Variants in C19orf18 observed in about 807,000 individuals in gnomAD.
C19orf18 encodes chromosome 19 open reading frame 18, also known as uncharacterized protein C19orf18.
In C19orf18, 21 loss-of-function variants were observed where a neutral mutation model predicts 23.3. The ratio of observed to expected loss-of-function variants is 0.90; its 90% confidence interval spans 0.64 to 1.30. The LOEUF is 1.30. C19orf18 is among the 50% of genes most tolerant of loss of function. The probability of loss-of-function intolerance (pLI) is 0.00; values close to 1 mark genes in which losing one functional copy is unlikely to be tolerated. For synonymous variants in C19orf18, 96 were observed against 95.2 expected (o/e 1.01, Z -0.05); for missense variants, 249 against 259.6 (o/e 0.96, Z 0.28).
intron 5 of C19orf18, among the ~76,000 whole-genome samples, chr19:57,961,020 T>C (rs913952348): frequency 6.6e-6 from 1 of 151,796 alleles, no homozygotes; most frequent in Non-Finnish European, 1.5e-5. Context: ...GTGGTGAGCA[T>C]AGCTGCCTTC....
In C19orf18 at chr19:57,960,425, C is replaced by CAA. The variant is rs34335308; in HGVS notation, c.532+964_532+965dup. ...TGGGCAACAGAGCAAGACTCCGCCT[C>CAA]AAAAAAAAAAAAAAAAAAAAGAACT... On this transcript the variant is annotated intron_variant, in intron 5 of 5. Transcript: ENST00000314391. Among the ~76,000 whole-genome samples the CAA allele has an allele frequency of 3.3e-3, 314 of 94,142 alleles. 1 individual carries two copies. Among genetic ancestry groups the CAA allele is most frequent in the African/African-American group, 7.6e-3 (217 of 28,688 alleles). The allele number at this position is 94,142 out of a possible 152,430, so 61.8% of individuals were successfully genotyped here. A position where few individuals can be genotyped will look rare whatever the true frequency, so the allele number is the denominator to read the frequency against.
chr19:57,972,604 C>A, intron 2 of C19orf18, 100 bp from the exon 3 acceptor site: 1 of 1,283,098 alleles, frequency 7.8e-7, no homozygotes, highest in Non-Finnish European at 1.1e-6. Context: ...AGAAGGACGC[C>A]GAACACACAG....
chr19:57,965,958 TTAAG>T (rs1206520260), intron 4 of C19orf18, among the ~76,000 whole-genome samples: 2 of 152,032 alleles, frequency 1.3e-5, no homozygotes, highest in East Asian at 1.9e-4. Flanking sequence ...CATTAATACT[TTAAG>T]TAATATTTTC....
chr19:57,961,537 G>A lies in C19orf18; in HGVS notation c.386C>T (p.Ala129Val). 6.2e-7 allele frequency: 1 copy of A among 1,611,804 alleles called. No homozygotes were observed. Among genetic ancestry groups the A allele is most frequent in the East Asian group, 2.2e-5 (1 of 44,872 alleles). The change falls in exon 5 of 6, where the codon GCT becomes GTT. Residue 129 changes from alanine (A) to valine (V), a missense_variant. By Grantham distance (64) the Ala-to-Val change is moderately conservative. Coordinates refer to ENST00000314391, the MANE Select transcript of C19orf18 (RefSeq NM_152474.5). ...TGACTCGAGCTGTTGTCTTTCCTCAGCCTGTGCCAGTCGACTGGAGAATGA... is the reference window on the plus strand; with the variant it reads ...TGACTCGAGCTGTTGTCTTTCCTCAACCTGTGCCAGTCGACTGGAGAATGA... ...ISYMIYRLAQ[A>V]EERQQLESLY... is the part of the protein sequence containing the mutation.
intron 3 of C19orf18, among the ~76,000 whole-genome samples, chr19:57,970,645 AT>A (rs1209825519): frequency 6.6e-6 from 1 of 151,028 alleles, no homozygotes; most frequent in African/African-American, 2.4e-5. Context: ...CAGTGGTGCG[AT>A]CTCTGCTCAC....
intron 5 of C19orf18, among the ~76,000 whole-genome samples, chr19:57,960,409 G>C (rs2072859442): frequency 1.5e-5 from 2 of 134,772 alleles, no homozygotes; most frequent in Non-Finnish European, 1.5e-5. Flanking sequence ...CTGGGCAACA[G>C]AGCAAGACTC....
At chr19:57,959,805 A>AG (rs1351405199) in intron 5 of C19orf18, among the ~76,000 whole-genome samples, 57 of 148,068 alleles carry the variant, frequency 3.8e-4, no homozygotes, top group African/African-American at 1.3e-3. Flanking sequence ...AAAAAAAAAA[A>AG]AAAAAAGAAA....
At chr19:57,967,844 AT>A (rs57771005) in intron 3 of C19orf18, among the ~76,000 whole-genome samples, 40,335 of 150,594 alleles carry the variant, frequency 0.27, 5,832 homozygotes, top group African/African-American at 0.39. Context: ...CCCATCTCTA[AT>A]AAAAATACAA....
At position 57,966,705 on chromosome 19, in the gene C19orf18, T is replaced by C. The variant is rs1006001565; in HGVS notation, c.269-73A>G. ...CTATGTCTTTCAGTTAATATATTTG[T>C]CCTTACAGAGGGGAATGGAAGTCAA... On this transcript the variant is annotated intron_variant, in intron 3 of 5. Transcript: ENST00000314391. The C allele has an allele frequency of 4.9e-6, 5 of 1,022,394 alleles. No individual in the cohort carries two copies. The African/African-American group carries it at 6.4e-5, about 13-fold the overall frequency. The allele number at this position is 1,022,394 out of a possible 1,614,324, so 63.3% of individuals were successfully genotyped here.
chr19:57,966,733 C>T, intron 3 of C19orf18, 101 bp from the exon 4 acceptor site: 2 of 729,546 alleles, frequency 2.7e-6, no homozygotes. Flanking sequence ...GAAGTCAAAA[C>T]CAGAAACACT....
At chr19:57,960,802 AG>A (rs1402631743) in intron 5 of C19orf18, among the ~76,000 whole-genome samples, 1 of 152,208 alleles carries the variant, frequency 6.6e-6, no homozygotes, top group Non-Finnish European at 1.5e-5. Context: ...TTGATGAGAA[AG>A]GTTCATTTCC....
chr19:57,974,143 T>C lies in C19orf18; in HGVS notation c.182A>G (p.Lys61Arg). The C allele has an allele frequency of 6.2e-7, 1 of 1,614,092 alleles. No individual in the cohort carries two copies. Among genetic ancestry groups the C allele is most frequent in the Non-Finnish European group, 8.5e-7 (1 of 1,180,004 alleles). The change falls in exon 2 of 6, where the codon AAA becomes AGA. Residue 61 changes from lysine (K) to arginine (R), a missense_variant. Transcript: ENST00000314391. ...ITKEPKVFFH[K>R]TQLPGIQGAA... is the part of the protein sequence containing the mutation. ...CCCTTGAATCCCAGGCAACTGGGTT[T>C]TATGAAAGAACACTTTGGGCTCTTT...
In C19orf18 at chr19:57,961,388, T is replaced by C. The variant is rs778395664; in HGVS notation, c.532+3A>G. 11 of 1,612,034 alleles carry C rather than the reference T, an allele frequency of 6.8e-6. No individual in the cohort carries two copies. The South Asian group carries it at 8.8e-5, about 13-fold the overall frequency. On this transcript the variant is annotated splice_donor_region_variant and intron_variant, in intron 5 of 5. Transcript: ENST00000314391. The stretch of plus-strand genomic sequence containing the variant: ...TGCGAATAGCTCTTACAGGTCACAC[T>C]ACCTGAGTGGATGAACTTTTCCAGC...
chr19:57,972,395 G>A, intron 3 of C19orf18, 68 bp downstream of exon 3: 1 of 1,572,934 alleles, frequency 6.4e-7, no homozygotes. Flanking sequence ...GCACCCTCTG[G>A]AGCCACACAT....
chr19:57,963,511 T>G (rs905461463), intron 4 of C19orf18, among the ~76,000 whole-genome samples: 2 of 152,208 alleles, frequency 1.3e-5, no homozygotes, highest in African/African-American at 2.4e-5. Context: ...TAAATGCTTA[T>G]TCTTTTCCAA....
Position 57,958,510 on chromosome 19 carries a change from G to C in C19orf18, c.*92C>G. The C allele has an allele frequency of 1.3e-6, 1 of 794,464 alleles. No individual in the cohort carries two copies. The highest frequency in any genetic ancestry group is 2.0e-6 in the Non-Finnish European group (1 of 495,520). 49.2% of individuals were successfully genotyped at this position (794,464 alleles called of 1,614,324 possible). Reference sequence around the variant, plus strand: ...TTTCTTTGATGTCCTCTTCCATAAGGTTCTCTGGGAGCAAGCCACGCCCAC... The same window carrying C: ...TTTCTTTGATGTCCTCTTCCATAAGCTTCTCTGGGAGCAAGCCACGCCCAC... On this transcript the variant is annotated 3_prime_UTR_variant, in exon 6 of 6. Coordinates refer to ENST00000314391, the MANE Select transcript of C19orf18 (RefSeq NM_152474.5).
intron 3 of C19orf18, among the ~76,000 whole-genome samples, chr19:57,972,133 G>T (rs2072949301): frequency 1.3e-5 from 2 of 152,330 alleles, no homozygotes; most frequent in South Asian, 4.1e-4. Context: ...GGAGGTTCCA[G>T]GACAAGCCAC....
At chr19:57,961,118 C>T (rs2123217298) in intron 5 of C19orf18, among the ~76,000 whole-genome samples, 1 of 152,172 alleles carries the variant, frequency 6.6e-6, no homozygotes, top group South Asian at 2.1e-4. Flanking sequence ...GCCTGTACTC[C>T]CAGCTACTCG....
chr19:57,972,585 T>A, intron 2 of C19orf18, 81 bp from the exon 3 acceptor site: 1 of 1,507,154 alleles, frequency 6.6e-7, no homozygotes, highest in South Asian at 1.1e-5. Flanking sequence ...GGAAATAACT[T>A]AGCATTAGAG....
Sources: allele counts gnomAD v4.1 joint callset (sites outside exome capture counted in the v4.1 genomes callset), GRCh38; gene constraint gnomAD v4.1.1; transcripts MANE v1.5; gene names NCBI Gene and HGNC (gene_info 2026-07-23, HGNC 2026-07-21).